ATPSCKMT: variants seen among roughly 807,000 people sequenced by gnomAD.
The protein encoded by ATPSCKMT is ATP synthase c subunit lysine N-methyltransferase, also known as ATP synthase subunit C lysine N-methyltransferase.
ATPSCKMT carries 24 observed loss-of-function variants against 24.3 expected under a neutral mutation model. The observed-to-expected ratio is 0.99, with a 90% CI of 0.71 to 1.39. The LOEUF is 1.39. ATPSCKMT is among the 40% of genes most tolerant of loss of function. ATPSCKMT has a pLI of 0.00. For synonymous variants in ATPSCKMT, 95 were observed against 110.5 expected (o/e 0.86, Z 0.88); for missense variants, 311 against 298.4 (o/e 1.04, Z -0.31).
intron 4 of ATPSCKMT, among the ~76,000 whole-genome samples, chr5:10,234,725 G>T (rs1355150358): frequency 6.6e-6 from 1 of 152,162 alleles, no homozygotes; most frequent in Non-Finnish European, 1.5e-5. Flanking sequence ...ACTTTTGAAA[G>T]TACATAATCA....
rs369544785 is a variant in ATPSCKMT at position 10,249,177 on chromosome 5, G to A, written c.16+681C>T. Among the ~76,000 whole-genome samples the A allele has an allele frequency of 2.9e-4, 44 of 150,860 alleles. No homozygotes were observed. In the East Asian group the frequency reaches 3.1e-3, roughly 11 times the overall value. On this transcript the variant is annotated intron_variant, in intron 1 of 4. Coordinates refer to ENST00000511437, the MANE Select transcript of ATPSCKMT (RefSeq NM_199133.4). The stretch of plus-strand genomic sequence containing the variant: ...CCAGCTGCCTGGGAGGCTGAGGCAC[G>A]AGAATCACTGGAACCCGGGAGGCGG...
At chr5:10,227,712 C>CTT (rs72534176) in intron 4 of ATPSCKMT, 65 bp from the exon 5 acceptor site, 1 of 1,397,778 alleles carries the variant, frequency 7.2e-7, no homozygotes, top group Non-Finnish European at 9.5e-7. Context: ...CCAAAATTTC[C>CTT]TGTTTTTAAG....
In ATPSCKMT at chr5:10,238,064, A is replaced by T. The variant is rs150123614; in HGVS notation, c.306+1003T>A. On this transcript the variant is annotated intron_variant, in intron 2 of 4. Transcript: ENST00000511437. ...CTGGCCACTAATAAATTTCTTAGAA[A>T]CAAATAGTGGCTCCCAGAGGGTGAG... Among the ~76,000 whole-genome samples the T allele has an allele frequency of 7.6e-3, 1,164 of 152,316 alleles. 12 individuals are homozygous for T. The highest frequency in any genetic ancestry group is 0.013 in the Non-Finnish European group (905 of 68,020).
At chr5:10,244,661 C>T (rs1744807653) in intron 1 of ATPSCKMT, among the ~76,000 whole-genome samples, 1 of 152,130 alleles carries the variant, frequency 6.6e-6, no homozygotes, top group African/African-American at 2.4e-5. Flanking sequence ...CCTATAATCC[C>T]AGCACTTTGG....
chr5:10,231,246 G>A (rs901362703), intron 4 of ATPSCKMT, among the ~76,000 whole-genome samples: 2 of 152,058 alleles, frequency 1.3e-5, no homozygotes, highest in Non-Finnish European at 2.9e-5. Flanking sequence ...TCTCCCCAAC[G>A]TTAGATCTGC....
At chr5:10,248,428 G>A (rs1161101012) in intron 1 of ATPSCKMT, 1 of 152,232 alleles carries the variant, frequency 6.6e-6, no homozygotes, top group African/African-American at 2.4e-5. Flanking sequence ...AATTGGCAAA[G>A]CTAACGTGAA....
chr5:10,243,362 T>TA (rs768187920), intron 1 of ATPSCKMT, among the ~76,000 whole-genome samples: 1 of 152,066 alleles, frequency 6.6e-6, no homozygotes, highest in Non-Finnish European at 1.5e-5. Flanking sequence ...CACGCCCCTG[T>TA]AATCCCAGCT....
At chr5:10,246,950 G>A (rs904395380) in intron 1 of ATPSCKMT, among the ~76,000 whole-genome samples, 3 of 152,170 alleles carry the variant, frequency 2.0e-5, no homozygotes, top group African/African-American at 4.8e-5. Context: ...ATTTGAGCTG[G>A]AGCCAAAAGC....
chr5:10,248,327 A>C (rs1009395626), intron 1 of ATPSCKMT: 11 of 152,256 alleles, frequency 7.2e-5, no homozygotes, highest in African/African-American at 2.7e-4. Context: ...AATCAACTAC[A>C]CAGAGGATGC....
intron 4 of ATPSCKMT, among the ~76,000 whole-genome samples, chr5:10,234,092 C>A (rs572588816): frequency 6.6e-6 from 1 of 152,310 alleles, no homozygotes; most frequent in South Asian, 2.1e-4. Flanking sequence ...CTTTGGGAGG[C>A]CGAAGCAGGC....
At chr5:10,249,746 C>A in intron 1 of ATPSCKMT, 112 bp downstream of exon 1, 1 of 1,459,306 alleles carries the variant, frequency 6.9e-7, no homozygotes, top group Non-Finnish European at 9.1e-7. Flanking sequence ...AGAGCAGCCG[C>A]CCGCACCCGG....
At chr5:10,249,003 C>T (rs761702869) in intron 1 of ATPSCKMT, among the ~76,000 whole-genome samples, 1 of 152,126 alleles carries the variant, frequency 6.6e-6, no homozygotes, top group East Asian at 1.9e-4. Context: ...CCGGGCACCG[C>T]GGTGGCTCAG....
At chr5:10,239,776 A>T (rs1224146545) in intron 1 of ATPSCKMT, among the ~76,000 whole-genome samples, 1 of 152,250 alleles carries the variant, frequency 6.6e-6, no homozygotes, top group East Asian at 1.9e-4. Flanking sequence ...CCCAATTTCA[A>T]GTAGAATTAA....
At chr5:10,243,728 T>C (rs183418843) in intron 1 of ATPSCKMT, among the ~76,000 whole-genome samples, 23 of 152,382 alleles carry the variant, frequency 1.5e-4, no homozygotes, top group African/African-American at 5.3e-4. Flanking sequence ...GGCCTTGCTC[T>C]AGATTAGGCT....
chr5:10,246,462 A>G (rs950990112), intron 1 of ATPSCKMT, among the ~76,000 whole-genome samples: 82 of 16,038 alleles, frequency 5.1e-3, no homozygotes, highest in African/African-American at 6.2e-3. Context: ...AGAAAGAAAA[A>G]AAAAAAAAAA....
chr5:10,227,258 T>C lies in ATPSCKMT; in HGVS notation c.*183A>G. The C allele has an allele frequency of 1.5e-6, 1 of 648,216 alleles. No individual in the cohort carries two copies. Among genetic ancestry groups the C allele is most frequent in the Non-Finnish European group, 2.6e-6 (1 of 387,162 alleles). The allele number at this position is 648,216 out of a possible 1,614,324, so 40.2% of individuals were successfully genotyped here. On this transcript the variant is annotated 3_prime_UTR_variant, in exon 5 of 5. Transcript: ENST00000511437. Reference sequence around the variant, plus strand: ...AAGTACAATTTTTAAGAAAATAGCATCAAAAGCAGATTTTAAATCTACCTG... The same window carrying C: ...AAGTACAATTTTTAAGAAAATAGCACCAAAAGCAGATTTTAAATCTACCTG...
At chr5:10,233,236 G>A (rs7737224) in intron 4 of ATPSCKMT, among the ~76,000 whole-genome samples, 61,185 of 151,894 alleles carry the variant, frequency 0.4, 13,366 homozygotes, top group Non-Finnish European at 0.49. Context: ...TGGGATGGTC[G>A]ACTGGCACAG....
At chr5:10,245,148 T>C (rs909150848) in intron 1 of ATPSCKMT, among the ~76,000 whole-genome samples, 6 of 152,152 alleles carry the variant, frequency 3.9e-5, no homozygotes, top group Non-Finnish European at 5.9e-5. Flanking sequence ...AAGCTGGGCA[T>C]GGTGGCTCAC....
At chr5:10,249,065 C>T (rs1462278869) in intron 1 of ATPSCKMT, among the ~76,000 whole-genome samples, 1 of 151,994 alleles carries the variant, frequency 6.6e-6, no homozygotes, top group African/African-American at 2.4e-5. Flanking sequence ...GTCAGCCGTT[C>T]GAGACCAGCC....
Sources: allele counts gnomAD v4.1 joint callset (sites outside exome capture counted in the v4.1 genomes callset), GRCh38; gene constraint gnomAD v4.1.1; transcripts MANE v1.5; gene names NCBI Gene and HGNC (gene_info 2026-07-23, HGNC 2026-07-21).